Variants in CHEK1 observed in about 807,000 individuals in gnomAD.
CHEK1 encodes the protein serine/threonine-protein kinase Chk1.
CHEK1 carries 32 observed loss-of-function variants against 60.2 expected under a neutral mutation model. The observed-to-expected ratio is 0.53, with a 90% CI of 0.40 to 0.71. CHEK1 has a LOEUF of 0.71. Ranked by LOEUF, CHEK1 falls within the 30% of genes least tolerant of loss-of-function variation. The pLI is 0.00. For missense variants in CHEK1, 399 were observed against 564.6 expected, an observed-to-expected ratio of 0.71 and a Z score of 2.97; for synonymous variants, 179 against 187.2, an observed-to-expected ratio of 0.96 and a Z score of 0.36.
chr11:125,680,728 C>T (rs376732937), downstream of CHEK1: 3 of 1,613,380 alleles, frequency 1.9e-6, no homozygotes, highest in Non-Finnish European at 1.7e-6. Flanking sequence ...CAAACACTCA[C>T]CTCTGGCAGA....
intron 8 of CHEK1, among the ~76,000 whole-genome samples, chr11:125,638,377 G>T (rs557972321): frequency 6.6e-6 from 1 of 152,280 alleles, no homozygotes; most frequent in East Asian, 1.9e-4. Context: ...TGATTCCAAA[G>T]AAATTTAAGA....
At chr11:125,640,324 G>T (rs1941237618) in intron 8 of CHEK1, among the ~76,000 whole-genome samples, 1 of 152,014 alleles carries the variant, frequency 6.6e-6, no homozygotes, top group Admixed American at 6.5e-5. Flanking sequence ...GGCGGATCAC[G>T]AGGTCAGGAG....
At position 125,625,570 on chromosome 11, in the gene CHEK1, G is replaced by T. The variant is rs1285136520; in HGVS notation, c.-463G>T. 48 of 589,284 alleles carry T rather than the reference G, an allele frequency of 8.1e-5. No homozygotes were observed. In the East Asian group the frequency reaches 1.3e-3, roughly 16 times the overall value. 36.5% of individuals were successfully genotyped at this position (589,284 alleles called of 1,614,324 possible). A position where few individuals can be genotyped will look rare whatever the true frequency, so the allele number is the denominator to read the frequency against. Reference sequence around the variant, plus strand: ...CCTGTCCGGTGGCCTCACGCAGGTGGCGGTGCAGCCTTTCAGGCCCAGAGC... The same window carrying T: ...CCTGTCCGGTGGCCTCACGCAGGTGTCGGTGCAGCCTTTCAGGCCCAGAGC... On this transcript the variant is annotated 5_prime_UTR_variant, in exon 1 of 13. Coordinates refer to ENST00000438015, the MANE Select transcript of CHEK1 (RefSeq NM_001114122.3).
At chr11:125,639,231 G>A (rs1428920061) in intron 8 of CHEK1, among the ~76,000 whole-genome samples, 2 of 151,972 alleles carry the variant, frequency 1.3e-5, no homozygotes, top group Non-Finnish European at 2.9e-5. Flanking sequence ...ACAACAGATT[G>A]CAGCAGGAGA....
intron 11 of CHEK1, among the ~76,000 whole-genome samples, chr11:125,645,810 G>C (rs1941479886): frequency 6.6e-6 from 1 of 152,168 alleles, no homozygotes; most frequent in Admixed American, 6.5e-5. Context: ...CCAATGAAGA[G>C]TATATGGTTA....
intron 13 of CHEK1, among the ~76,000 whole-genome samples, chr11:125,662,660 T>C (rs1002601134): frequency 6.6e-6 from 1 of 152,222 alleles, no homozygotes; most frequent in African/African-American, 2.4e-5. Context: ...ATATCTACTC[T>C]TTTGCTATTG....
At chr11:125,665,828 C>T (rs1449344037) in intron 13 of CHEK1, among the ~76,000 whole-genome samples, 2 of 133,576 alleles carry the variant, frequency 1.5e-5, no homozygotes, top group African/African-American at 2.8e-5. Flanking sequence ...GTCATTTTTC[C>T]TTTTTCATCT....
chr11:125,667,696 C>T (rs1010716059), intron 13 of CHEK1, among the ~76,000 whole-genome samples: 78 of 152,184 alleles, frequency 5.1e-4, no homozygotes, highest in Non-Finnish European at 1.8e-4. Flanking sequence ...TCTCAGTTCA[C>T]TGCAACCTCT....
Position 125,656,634 on chromosome 11 carries a change from C to T in CHEK1, c.*1314C>T, listed in dbSNP as rs1000422066. On this transcript the variant is annotated 3_prime_UTR_variant, in exon 13 of 13. Coordinates refer to ENST00000438015, the MANE Select transcript of CHEK1 (RefSeq NM_001114122.3). ...AGTCATTAATATTTTTCAAAAACAG[C>T]TCTCACTGACTTGAACCTCTTCTGT... 6.1e-5 allele frequency: 13 copies of T among 214,494 alleles called. No homozygotes were observed. The highest frequency in any genetic ancestry group is 2.9e-4 in the African/African-American group (13 of 44,356). The allele number at this position is 214,494 out of a possible 1,614,324, so 13.3% of individuals were successfully genotyped here.
rs547243050 is a variant in CHEK1, at chr11:125,655,451, C to G, written c.*131C>G. On this transcript the variant is annotated 3_prime_UTR_variant, in exon 13 of 13. Coordinates refer to ENST00000438015, the MANE Select transcript of CHEK1 (RefSeq NM_001114122.3). ...CTGAAGTGTTCACTTCCCTGTTTAT[C>G]CAAACATCTTCCAATTTATTTTGTT... The G allele has an allele frequency of 1.1e-5, 6 of 529,712 alleles. No homozygotes were observed. The South Asian group carries it at 2.1e-4, about 18-fold the overall frequency. 32.8% of individuals were successfully genotyped at this position (529,712 alleles called of 1,614,324 possible). A position where few individuals can be genotyped will look rare whatever the true frequency, so the allele number is the denominator to read the frequency against.
At chr11:125,680,704 C>A (rs1942757646), downstream of CHEK1, 6 of 1,607,258 alleles carry the variant, frequency 3.7e-6, no homozygotes, top group East Asian at 8.9e-5. Context: ...TTTGTATTTA[C>A]CTGAAGCCTA....
intron 13 of CHEK1, among the ~76,000 whole-genome samples, chr11:125,668,360 T>A (rs1019560167): frequency 2.6e-5 from 4 of 152,220 alleles, no homozygotes; most frequent in African/African-American, 9.6e-5. Context: ...TTTTATCTCA[T>A]GTTCTCACAT....
At position 125,644,528 on chromosome 11, in the gene CHEK1, T is replaced by C; in HGVS notation, c.1118T>C (p.Leu373Ser). 6.2e-7 allele frequency: 1 copy of C among 1,614,006 alleles called. No individual in the cohort carries two copies. Among genetic ancestry groups the C allele is most frequent in the Non-Finnish European group, 8.5e-7 (1 of 1,180,004 alleles). Residue 373 changes from leucine (L) to serine (S), a missense_variant, in exon 11 of 13, where the codon TTG (leucine) becomes TCG (serine). By Grantham distance (145) the Leu-to-Ser change is moderately radical (BLOSUM62 -2). This residue lies in a region of CHEK1 where 370 missense variants were observed against 494.8 expected (regional missense o/e 0.75). Coordinates refer to ENST00000438015, the MANE Select transcript of CHEK1 (RefSeq NM_001114122.3). ...GACATGTAGAACCCCTGGCAGCGGTTGGTCAAAAGAATGACACGATTCTTT... is the reference window on the plus strand; with the variant it reads ...GACATGTAGAACCCCTGGCAGCGGTCGGTCAAAAGAATGACACGATTCTTT... ...PGSSQNPWQR[L>S]VKRMTRFFTK...
At position 125,626,580 on chromosome 11, in the gene CHEK1, G is replaced by C. The variant is rs1940622652; in HGVS notation, c.-20-169G>C. On this transcript the variant is annotated intron_variant, in intron 1 of 12. Coordinates refer to ENST00000438015, the MANE Select transcript of CHEK1 (RefSeq NM_001114122.3). ...TGTGATTTACACGACAAAATGGTCA[G>C]GTTTAGAATAGTTGTTCGTGGTTGA... 6.3e-6 allele frequency: 4 copies of C among 634,254 alleles called. No individual in the cohort carries two copies. In the South Asian group the frequency reaches 7.6e-5, roughly 12 times the overall value. 39.3% of individuals were successfully genotyped at this position (634,254 alleles called of 1,614,324 possible).
downstream of CHEK1, chr11:125,678,361 C>T (rs922464434): frequency 2.1e-5 from 33 of 1,559,662 alleles, no homozygotes; most frequent in African/African-American, 4.5e-4. Context: ...AGACTATCTT[C>T]CTATGGAGTT....
downstream of CHEK1, chr11:125,677,771 C>T (rs376077935): frequency 2.9e-5 from 47 of 1,610,766 alleles, no homozygotes; most frequent in Non-Finnish European, 3.8e-5. Context: ...AAGTCAATGA[C>T]TGGCACCCAT....
At chr11:125,642,667 A>G (rs1195280254) in intron 8 of CHEK1, among the ~76,000 whole-genome samples, 1 of 152,208 alleles carries the variant, frequency 6.6e-6, no homozygotes, top group Non-Finnish European at 1.5e-5. Flanking sequence ...GAGGATCAAG[A>G]TCCCTAAGGA....
chr11:125,680,658 T>G, downstream of CHEK1: 5 of 1,418,046 alleles, frequency 3.5e-6, no homozygotes, highest in Non-Finnish European at 4.9e-6. Context: ...CTGGTCTTCC[T>G]TCTTCAAGGC....
intron 8 of CHEK1, among the ~76,000 whole-genome samples, chr11:125,641,930 G>A (rs1941319562): frequency 6.6e-6 from 1 of 152,042 alleles, no homozygotes; most frequent in South Asian, 2.1e-4. Context: ...CACGTGTAGT[G>A]TAAGCTAAAA....
Sources: allele counts gnomAD v4.1 joint callset (sites outside exome capture counted in the v4.1 genomes callset), GRCh38; gene constraint gnomAD v4.1.1; regional missense constraint gnomAD v4.1.1; transcripts MANE v1.5; gene names NCBI Gene and HGNC (gene_info 2026-07-23, HGNC 2026-07-21).